NPIPB2: variants seen among roughly 807,000 people sequenced by gnomAD.
The protein encoded by NPIPB2 is nuclear pore complex-interacting protein family member B2.
A neutral mutation model predicts 30.8 loss-of-function variants in NPIPB2; 27 were observed. The ratio of observed to expected loss-of-function variants is 0.88; its 90% CI spans 0.65 to 1.21. NPIPB2 has a LOEUF of 1.21. Among genes scored for constraint, NPIPB2 ranks in the 50% most tolerant of loss-of-function variants. NPIPB2 has a pLI of 0.00. For synonymous variants in NPIPB2, 147 were observed against 162.0 expected, an observed-to-expected ratio of 0.91 and a Z score of 0.70; for missense variants, 440 against 446.2, an observed-to-expected ratio of 0.99 and a Z score of 0.13.
chr16:11,964,098 G>C (rs894824648), intron 1 of NPIPB2: 1 of 151,548 alleles, frequency 6.6e-6, no homozygotes, highest in African/African-American at 2.4e-5. Context: ...CTATATAAAT[G>C]TATCTATCTA....
exon 1 of NPIPB2, chr16:11,976,590 C>T (rs554902253): frequency 2.7e-6 from 1 of 363,990 alleles, no homozygotes; most frequent in Non-Finnish European, 4.9e-6. Context: ...GCCCGCGTAG[C>T]CTCAGCACCG....
intron 1 of NPIPB2, among the ~76,000 whole-genome samples, chr16:11,963,061 C>G (rs181657523): frequency 1.2e-3 from 188 of 150,582 alleles, no homozygotes; most frequent in African/African-American, 4.5e-3. Flanking sequence ...CATCTCAAAA[C>G]AAACAAACAA....
Position 11,947,545 on chromosome 16 carries a change from C to T in NPIPB2, c.-583-5431G>A, listed in dbSNP as rs568225474. ...ACTTTTAGTAGAGACGGGGTTTCAC[C>T]GTATTAGCCAGGAGGGTCTCAATCT... On this transcript the variant is annotated intron_variant, in intron 1 of 5. Coordinates refer to the NPIPB2 transcript ENST00000538896. Among the ~76,000 whole-genome samples, 234 of 151,578 alleles carry T rather than the reference C, an allele frequency of 1.5e-3. 1 individual carries two copies. Among genetic ancestry groups the T allele is most frequent in the African/African-American group, 5.5e-3 (228 of 41,344 alleles).
At chr16:11,974,768 G>A (rs559433827) in intron 1 of NPIPB2, among the ~76,000 whole-genome samples, 1 of 151,894 alleles carries the variant, frequency 6.6e-6, no homozygotes, top group Non-Finnish European at 1.5e-5. Flanking sequence ...AAAATGGGAC[G>A]AAACCCTGGA....
At chr16:11,944,170 ATTT>A (rs767446739), upstream of NPIPB2, among the ~76,000 whole-genome samples, 2 of 137,728 alleles carry the variant, frequency 1.5e-5, no homozygotes, top group Non-Finnish European at 1.6e-5. Context: ...GATAAACTGG[ATTT>A]TTTTTTTTTT....
At chr16:11,976,481 C>G (rs1327340131) in intron 1 of NPIPB2, 1 of 325,704 alleles carries the variant, frequency 3.1e-6, no homozygotes, top group Non-Finnish European at 5.6e-6. Context: ...GAAGTCGCCC[C>G]ATCACTCGTG....
upstream of NPIPB2, among the ~76,000 whole-genome samples, chr16:11,946,691 A>G (rs1350949134): frequency 6.6e-6 from 1 of 152,192 alleles, no homozygotes; most frequent in African/African-American, 2.4e-5. Context: ...CATTGCCGGT[A>G]GGAAAGTAAA....
At chr16:11,974,475 C>CCATT (rs2055255483) in intron 1 of NPIPB2, among the ~76,000 whole-genome samples, 1 of 152,040 alleles carries the variant, frequency 6.6e-6, no homozygotes, top group Non-Finnish European at 1.5e-5. Flanking sequence ...CGAGATCGCG[C>CCATT]CATTGCACTC....
intron 1 of NPIPB2, among the ~76,000 whole-genome samples, chr16:11,956,505 AT>A (rs2055114177): frequency 6.6e-6 from 1 of 152,018 alleles, no homozygotes; most frequent in Non-Finnish European, 1.5e-5. Context: ...GTGAAACCCC[AT>A]CTCTATTAAA....
upstream of NPIPB2, among the ~76,000 whole-genome samples, chr16:11,945,243 A>T (rs2054993813): frequency 6.6e-6 from 1 of 151,918 alleles, no homozygotes; most frequent in Non-Finnish European, 1.5e-5. Context: ...ATAGCCAATG[A>T]GATAGTGTGT....
intron 1 of NPIPB2, among the ~76,000 whole-genome samples, chr16:11,950,109 C>A (rs2055049302): frequency 6.6e-6 from 1 of 152,126 alleles, no homozygotes; most frequent in Admixed American, 6.6e-5. Context: ...GATCTTGGCT[C>A]ATTGTAGCCA....
At chr16:11,946,769 A>T (rs935495292), upstream of NPIPB2, among the ~76,000 whole-genome samples, 2 of 152,132 alleles carry the variant, frequency 1.3e-5, no homozygotes, top group Admixed American at 6.6e-5. Context: ...TTGATCCAGC[A>T]ATCTTATTCG....
At chr16:11,945,495 A>C (rs2054997447), upstream of NPIPB2, among the ~76,000 whole-genome samples, 1 of 151,942 alleles carries the variant, frequency 6.6e-6, no homozygotes, top group Non-Finnish European at 1.5e-5. Flanking sequence ...CCACGAAGGT[A>C]AAACCCCCAT....
chr16:11,965,050 G>C, intron 1 of NPIPB2: 1 of 441,476 alleles, frequency 2.3e-6, no homozygotes, highest in Non-Finnish European at 4.0e-6. Context: ...TAAATAAGCA[G>C]TTTCTGTTTC....
At chr16:11,943,205 C>G (rs1286166084), upstream of NPIPB2, among the ~76,000 whole-genome samples, 1 of 151,868 alleles carries the variant, frequency 6.6e-6, no homozygotes, top group African/African-American at 2.4e-5. Flanking sequence ...TGTAGTCCCA[C>G]CTACTTGGGA....
intron 1 of NPIPB2, among the ~76,000 whole-genome samples, chr16:11,975,122 T>A (rs1199091828): frequency 7.2e-6 from 1 of 138,096 alleles, no homozygotes. Flanking sequence ...CACACTTGTG[T>A]TCACACTCAA....
chr16:11,933,505 G>A lies in NPIPB2; in HGVS notation c.488+12C>T, dbSNP rs754947448. ...GTTCATACAACAATATTTGTGTCAA[G>A]GCACATCTTACTGTTTTTTGGCGGT... On this transcript the variant is annotated intron_variant, in intron 4 of 7. Transcript: ENST00000399147. The A allele has an allele frequency of 6.3e-7, 1 of 1,596,802 alleles. No homozygotes were observed. The highest frequency in any genetic ancestry group is 1.1e-5 in the South Asian group (1 of 90,968).
intron 2 of NPIPB2, among the ~76,000 whole-genome samples, chr16:11,937,006 C>G (rs2054876292): frequency 6.6e-6 from 1 of 151,896 alleles, no homozygotes; most frequent in African/African-American, 2.4e-5. Flanking sequence ...AAATGGCCTA[C>G]ATCTCCATCT....
Position 11,927,891 on chromosome 16 carries a change from A to G in NPIPB2, c.688-12T>C. The G allele has an allele frequency of 1.0e-6, 1 of 984,174 alleles. No homozygotes were observed. The highest frequency in any genetic ancestry group is 1.5e-6 in the Non-Finnish European group (1 of 688,734). 61.0% of individuals were successfully genotyped at this position (984,174 alleles called of 1,614,324 possible). ...GCCGCCATTCTGACCTGTAGGGCCA[A>G]AGGAGGGAATGTTTTCACACATATT... is the stretch of plus-strand genomic sequence containing the variant. On this transcript the variant is annotated splice_polypyrimidine_tract_variant and intron_variant, in intron 7 of 7. Transcript: ENST00000399147.
Sources: allele counts gnomAD v4.1 joint callset (sites outside exome capture counted in the v4.1 genomes callset), GRCh38; gene constraint gnomAD v4.1.1; transcripts MANE v1.5; gene names NCBI Gene and HGNC (gene_info 2026-07-23, HGNC 2026-07-21).